The following TMEM131 variants were observed in gnomAD, a reference collection of about 807,000 sequenced individuals.
The protein encoded by TMEM131 is 2610524E03Rik.
TMEM131 carries 66 observed loss-of-function variants against 211.6 expected under a neutral mutation model. The observed-to-expected ratio is 0.31, with a 90% CI of 0.26 to 0.38. The LOEUF is 0.38. Ranked by LOEUF, TMEM131 falls within the 10% of genes least tolerant of loss-of-function variation. The pLI is 1.00. For synonymous variants in TMEM131, 844 were observed against 841.3 expected (o/e 1.00, Z -0.06); for missense variants, 2,036 against 2,299.3 (o/e 0.89, Z 2.34).
chr2:97,838,471 G>A (rs1323708038), intron 7 of TMEM131, among the ~76,000 whole-genome samples: 4 of 112,726 alleles, frequency 3.5e-5, no homozygotes, highest in Non-Finnish European at 4.9e-5. Context: ...TTGAGACGGA[G>A]TCTCGCCCTG....
chr2:97,862,658 G>C (rs1013174735), intron 4 of TMEM131, among the ~76,000 whole-genome samples: 4 of 151,976 alleles, frequency 2.6e-5, no homozygotes, highest in African/African-American at 9.7e-5. Context: ...TAGTGAGCTT[G>C]AAGACAGGCT....
intron 2 of TMEM131, chr2:97,911,768 A>C: frequency 1.9e-6 from 1 of 540,360 alleles, no homozygotes; most frequent in Non-Finnish European, 2.4e-6. Context: ...ATAAACAAGA[A>C]TAAAAATCTC....
intron 4 of TMEM131, among the ~76,000 whole-genome samples, chr2:97,873,555 A>C (rs1674575811): frequency 1.3e-5 from 2 of 152,252 alleles, no homozygotes; most frequent in Non-Finnish European, 2.9e-5. Flanking sequence ...AGGAATGATC[A>C]GGCAGCAATC....
intron 31 of TMEM131, among the ~76,000 whole-genome samples, chr2:97,790,785 C>T (rs1356947311): frequency 6.6e-6 from 1 of 152,162 alleles, no homozygotes; most frequent in Non-Finnish European, 1.5e-5. Context: ...AATATGTAAG[C>T]TCAGTTAATA....
intron 40 of TMEM131, among the ~76,000 whole-genome samples, chr2:97,757,816 T>G (rs1678582212): frequency 6.6e-6 from 1 of 152,234 alleles, no homozygotes; most frequent in Non-Finnish European, 1.5e-5. Context: ...GCAATGGCAG[T>G]GGTGAAGCAT....
chr2:97,980,564 T>A (rs528824154), intron 1 of TMEM131, among the ~76,000 whole-genome samples: 1 of 152,202 alleles, frequency 6.6e-6, no homozygotes, highest in Non-Finnish European at 1.5e-5. Context: ...ATTCCACTCA[T>A]ATGTACTTAC....
intron 26 of TMEM131, 43 bp from the exon 27 acceptor site, chr2:97,797,029 T>C (rs776040298): frequency 7.3e-5 from 116 of 1,580,252 alleles, no homozygotes; most frequent in Non-Finnish European, 9.0e-5. Flanking sequence ...TCATTAAATC[T>C]GCACAATCTT....
chr2:97,933,443 G>T (rs1677314094), intron 1 of TMEM131, among the ~76,000 whole-genome samples: 1 of 152,156 alleles, frequency 6.6e-6, no homozygotes, highest in Non-Finnish European at 1.5e-5. Flanking sequence ...ACAGAAAGTA[G>T]ATTAGAGGTT....
At chr2:97,915,612 C>T (rs1373650536) in intron 2 of TMEM131, among the ~76,000 whole-genome samples, 1 of 152,178 alleles carries the variant, frequency 6.6e-6, no homozygotes, top group Non-Finnish European at 1.5e-5. Flanking sequence ...TCCCAAAGTG[C>T]TAGAATTACA....
chr2:97,851,699 GT>G, intron 5 of TMEM131, among the ~76,000 whole-genome samples: 1 of 152,238 alleles, frequency 6.6e-6, no homozygotes, highest in African/African-American at 2.4e-5. Context: ...TACTGAAATT[GT>G]TTTAGGGCAC....
intron 31 of TMEM131, among the ~76,000 whole-genome samples, chr2:97,790,693 T>G (rs1034479269): frequency 4.6e-5 from 7 of 152,180 alleles, no homozygotes; most frequent in Admixed American, 2.6e-4. Flanking sequence ...GCCCTAAATG[T>G]GGGGAAAACG....
intron 20 of TMEM131, 29 bp downstream of exon 20, chr2:97,805,522 G>A (rs1681255245): frequency 1.9e-6 from 3 of 1,610,104 alleles, no homozygotes; most frequent in Non-Finnish European, 2.5e-6. Flanking sequence ...GTTAACCAAT[G>A]GGAATTCTCA....
chr2:97,991,656 C>A (rs920060150), intron 1 of TMEM131, among the ~76,000 whole-genome samples: 5 of 152,074 alleles, frequency 3.3e-5, no homozygotes, highest in African/African-American at 1.2e-4. Context: ...TACAGAGTCA[C>A]CGAAACAATG....
chr2:97,811,655 G>T (rs1163847625), intron 17 of TMEM131, among the ~76,000 whole-genome samples: 1 of 152,186 alleles, frequency 6.6e-6, no homozygotes, highest in Non-Finnish European at 1.5e-5. Flanking sequence ...CATATCTTCA[G>T]GGCAGCTGAG....
rs145410087 is a variant in TMEM131 at position 97,865,835 on chromosome 2, A to G, written c.360-6408T>C. Among the ~76,000 whole-genome samples the G allele has an allele frequency of 6.8e-3, 1,028 of 152,280 alleles. 10 individuals are homozygous for G. The highest frequency in any genetic ancestry group is 0.023 in the African/African-American group (960 of 41,548). On this transcript the variant is annotated intron_variant, in intron 4 of 40. Transcript: ENST00000186436. ...TAATTCTTCTTTGATTGTTTCATAG[A>G]ATCCTTAAGTAAAGCTATGTGGAGC...
chr2:97,871,347 A>C (rs949587023), intron 4 of TMEM131, among the ~76,000 whole-genome samples: 5 of 152,230 alleles, frequency 3.3e-5, no homozygotes, highest in Admixed American at 3.3e-4. Flanking sequence ...AATTTAGTTT[A>C]TAGTTTAACA....
intron 7 of TMEM131, among the ~76,000 whole-genome samples, chr2:97,839,811 C>T (rs748778518): frequency 6.6e-5 from 10 of 152,146 alleles, no homozygotes; most frequent in Non-Finnish European, 1.5e-4. Context: ...AACAGTCACA[C>T]GTAGCTAGCG....
intron 1 of TMEM131, among the ~76,000 whole-genome samples, chr2:97,971,538 T>C (rs1362661598): frequency 2.0e-5 from 3 of 152,238 alleles, no homozygotes; most frequent in Non-Finnish European, 4.4e-5. Context: ...ATCAAAACTT[T>C]GTGAAATAAT....
At position 97,792,491 on chromosome 2, in the gene TMEM131, T is replaced by G; in HGVS notation, c.4039A>C (p.Ile1347Leu). The G allele has an allele frequency of 6.2e-7, 1 of 1,613,786 alleles. No individual in the cohort carries two copies. The highest frequency in any genetic ancestry group is 1.1e-5 in the South Asian group (1 of 91,018). ...TCCATGGCTTCTATGAGACTGGTGATGTCCGAGTCCTCGGAACTGTGCCTC... is the reference window on the plus strand; with the variant it reads ...TCCATGGCTTCTATGAGACTGGTGAGGTCCGAGTCCTCGGAACTGTGCCTC... ...SARHSSEDSD[I>L]TSLIEAMDKD... is the part of the protein sequence containing the mutation. Residue 1347 changes from isoleucine to leucine, a missense_variant, in exon 31 of 41, where the codon ATC becomes CTC. By Grantham distance (5) the Ile-to-Leu change is conservative. Coordinates refer to ENST00000186436, the MANE Select transcript of TMEM131 (RefSeq NM_015348.2).
Sources: allele counts gnomAD v4.1 joint callset (sites outside exome capture counted in the v4.1 genomes callset), GRCh38; gene constraint gnomAD v4.1.1; transcripts MANE v1.5; gene names NCBI Gene and HGNC (gene_info 2026-07-23, HGNC 2026-07-21).